The following CAPS2 variants were observed in gnomAD, a reference collection of about 807,000 sequenced individuals.
CAPS2 encodes the protein calcyphosine 2.
In CAPS2, 98 loss-of-function variants were observed where a neutral mutation model predicts 86.5. The ratio of observed to expected loss-of-function variants is 1.13; its 90% CI spans 0.96 to 1.34. CAPS2 has a LOEUF of 1.34. CAPS2 is among the 40% of genes most tolerant of loss of function. CAPS2 has a pLI of 0.00. For missense variants in CAPS2, 729 were observed against 686.8 expected (o/e 1.06, Z -0.69); for synonymous variants, 210 against 225.1 (o/e 0.93, Z 0.60).
intron 12 of CAPS2, 48 bp downstream of exon 12, chr12:75,293,201 A>G (rs1203605204): frequency 2.9e-6 from 3 of 1,037,074 alleles, no homozygotes; most frequent in South Asian, 1.3e-5. Flanking sequence ...TAATTTAAAA[A>G]TAGTGTTTTC....
In CAPS2 at chr12:75,325,229, C is replaced by T. The variant is rs774740763; in HGVS notation, c.131+10G>A. On this transcript the variant is annotated intron_variant, in intron 2 of 16. Coordinates refer to ENST00000393284, the Ensembl canonical transcript of CAPS2. The stretch of plus-strand genomic sequence containing the variant: ...ATTAAACAGTCCAAATGTGAAGAAA[C>T]GTAACTTACACTGGTGGGCAAGAAT... 3.6e-4 allele frequency: 552 copies of T among 1,548,000 alleles called. 1 individual carries two copies. Among genetic ancestry groups the T allele is most frequent in the South Asian group, 6.0e-4 (50 of 83,360 alleles).
chr12:75,334,832 A>G (rs143627655), upstream of CAPS2: 123 of 1,614,086 alleles, frequency 7.6e-5, no homozygotes, highest in African/African-American at 1.3e-3. Context: ...CACTTTATAG[A>G]CAACTGCATA....
intron 1 of CAPS2, among the ~76,000 whole-genome samples, chr12:75,363,853 C>T (rs565986709): frequency 6.6e-6 from 1 of 152,200 alleles, no homozygotes; most frequent in East Asian, 1.9e-4. Context: ...GAGACTAAGA[C>T]ATCAATCAAT....
intron 16 of CAPS2, among the ~76,000 whole-genome samples, chr12:75,281,156 G>A (rs1273410372): frequency 6.6e-6 from 1 of 151,812 alleles, no homozygotes; most frequent in Non-Finnish European, 1.5e-5. Flanking sequence ...TGGAGGAAAA[G>A]AACTCTTCAA....
At chr12:75,380,473 G>T (rs1593931005) in intron 1 of CAPS2, among the ~76,000 whole-genome samples, 1 of 151,688 alleles carries the variant, frequency 6.6e-6, no homozygotes, top group African/African-American at 2.4e-5. Flanking sequence ...CACTGGGTTT[G>T]CTTCTTGCAG....
At chr12:75,283,949 T>C (rs2034431164) in intron 15 of CAPS2, among the ~76,000 whole-genome samples, 2 of 152,292 alleles carry the variant, frequency 1.3e-5, no homozygotes, top group Middle Eastern at 3.4e-3. Context: ...TGACACCTTG[T>C]TTGTGAACTT....
At chr12:75,282,322 T>C in exon 16 of CAPS2, 1 of 1,606,362 alleles carries the variant, frequency 6.2e-7, no homozygotes, top group Non-Finnish European at 8.5e-7. Flanking sequence ...ACTGCCACTT[T>C]TGTTGAAATC....
intron 1 of CAPS2, among the ~76,000 whole-genome samples, chr12:75,368,133 T>C (rs1267868292): frequency 1.3e-5 from 2 of 152,054 alleles, no homozygotes; most frequent in Non-Finnish European, 2.9e-5. Context: ...TTTCAAAAGG[T>C]AGCAGGAGTT....
rs201262739 is a variant in CAPS2 at position 75,363,202 on chromosome 12, T to A, written c.-395+27636A>T. Reference sequence around the variant, plus strand: ...AAAGAACCTCTGCAGTAAGCAAAAATATATATATATAATTACATTTAGAGA... The same window carrying A: ...AAAGAACCTCTGCAGTAAGCAAAAAAATATATATATAATTACATTTAGAGA... On this transcript the variant is annotated intron_variant, in intron 1 of 5. Transcript: ENST00000551829. 3.1e-4 allele frequency: 348 copies of A among 1,120,964 alleles called. 2 individuals are homozygous for A. The African/African-American group carries it at 3.3e-3, about 11-fold the overall frequency. The allele number at this position is 1,120,964 out of a possible 1,614,324, so 69.4% of individuals were successfully genotyped here.
chr12:75,291,567 GTATATATATATATATATATATATATA>G (rs66622366), intron 13 of CAPS2, among the ~76,000 whole-genome samples, 151 bp downstream of exon 13: 34 of 27,706 alleles, frequency 1.2e-3, no homozygotes, highest in African/African-American at 3.5e-3. Context: ...ATTTTTAAAA[GTATATATATATATATATATATATATA>G]TATATATATA....
At chr12:75,345,497 A>T (rs1414961966) in intron 1 of CAPS2, among the ~76,000 whole-genome samples, 1 of 152,150 alleles carries the variant, frequency 6.6e-6, no homozygotes, top group African/African-American at 2.4e-5. Flanking sequence ...ACCCATTTGT[A>T]TAAGTTGAAT....
At chr12:75,314,626 A>AT (rs147242096) in intron 6 of CAPS2, among the ~76,000 whole-genome samples, 1 of 152,106 alleles carries the variant, frequency 6.6e-6, no homozygotes, top group Non-Finnish European at 1.5e-5. Flanking sequence ...AAAGCAAGGT[A>AT]TTTTTTTAAT....
chr12:75,362,513 A>C (rs1013561698), intron 1 of CAPS2, among the ~76,000 whole-genome samples: 6 of 152,186 alleles, frequency 3.9e-5, no homozygotes, highest in African/African-American at 1.4e-4. Flanking sequence ...AGAATATGTA[A>C]CTAAATTGTG....
At chr12:75,298,697 T>C in exon 11 of CAPS2, 1 of 1,613,516 alleles carries the variant, frequency 6.2e-7, no homozygotes, top group East Asian at 2.2e-5. Flanking sequence ...AACATAAAAA[T>C]CACCAAGTCG....
chr12:75,284,864 T>C, intron 15 of CAPS2, 97 bp downstream of exon 15: 2 of 1,154,866 alleles, frequency 1.7e-6, no homozygotes, highest in Non-Finnish European at 2.4e-6. Context: ...AGTAAATAGA[T>C]TTAAAACTTT....
At chr12:75,289,145 A>G (rs140536831) in intron 14 of CAPS2, among the ~76,000 whole-genome samples, 32 of 152,274 alleles carry the variant, frequency 2.1e-4, no homozygotes, top group African/African-American at 7.7e-4. Flanking sequence ...CCTTCTCATA[A>G]AATACACATT....
exon 17 of CAPS2, chr12:75,277,715 A>T: frequency 1.2e-6 from 1 of 851,542 alleles, no homozygotes; most frequent in Non-Finnish European, 1.4e-6. Flanking sequence ...GATATGTCTA[A>T]AGTCATATTC....
chr12:75,341,613 A>T (rs982667277), intron 1 of CAPS2, among the ~76,000 whole-genome samples: 38 of 151,166 alleles, frequency 2.5e-4, no homozygotes, highest in African/African-American at 9.0e-4. Flanking sequence ...CGCCCGCAGA[A>T]TTTTTTGTAT....
intron 14 of CAPS2, among the ~76,000 whole-genome samples, chr12:75,288,449 C>A (rs2035285163): frequency 6.6e-6 from 1 of 152,088 alleles, no homozygotes; most frequent in Non-Finnish European, 1.5e-5. Context: ...AAAGACTGGT[C>A]CAAGATCATA....
Sources: gnomAD v4.1 joint callset for allele counts (sites outside exome capture counted in the v4.1 genomes callset) on GRCh38, gnomAD v4.1.1 for gene constraint, MANE v1.5 for transcripts, NCBI Gene and HGNC (gene_info 2026-07-23, HGNC 2026-07-21) for gene names.